ERMP1: variants seen among roughly 807,000 people sequenced by gnomAD.
The protein encoded by ERMP1 is endoplasmic reticulum metallopeptidase 1, also known as Felix-ina.
ERMP1 carries 86 observed loss-of-function variants against 92.0 expected under a neutral mutation model. The observed-to-expected ratio is 0.93, with a 90% CI of 0.79 to 1.12. The LOEUF (loss-of-function observed/expected upper bound fraction) is 1.12. Ranked by LOEUF, ERMP1 falls within the 50% of genes most tolerant of loss-of-function variation. ERMP1 has a pLI of 0.00. For synonymous variants in ERMP1, 530 were observed against 412.8 expected (o/e 1.28, Z -3.44); for missense variants, 1,342 against 1,116.3 (o/e 1.20, Z -2.88).
intron 6 of ERMP1, among the ~76,000 whole-genome samples, chr9:5,854,347 G>C (rs146083146): frequency 4.3e-4 from 65 of 152,188 alleles, no homozygotes; most frequent in African/African-American, 1.4e-3. Context: ...TTCAGTCTAG[G>C]CATAGCTAGT....
chr9:5,794,305 C>G (rs1828324140), intron 13 of ERMP1, among the ~76,000 whole-genome samples: 1 of 151,956 alleles, frequency 6.6e-6, no homozygotes, highest in South Asian at 2.1e-4. Flanking sequence ...TAGAAGGAAA[C>G]TTATAGCAAT....
At chr9:5,866,909 G>A (rs922919395) in intron 5 of ERMP1, among the ~76,000 whole-genome samples, 1 of 152,154 alleles carries the variant, frequency 6.6e-6, no homozygotes, top group African/African-American at 2.4e-5. Context: ...CTGGTAATAA[G>A]AATGGGTTGT....
chr9:5,858,422 A>C (rs1830411174), intron 6 of ERMP1, among the ~76,000 whole-genome samples: 1 of 152,232 alleles, frequency 6.6e-6, no homozygotes, highest in African/African-American at 2.4e-5. Context: ...CAAGAGCCAG[A>C]CAAAATATTC....
intron 13 of ERMP1, 131 bp from the exon 14 acceptor site, chr9:5,787,724 G>T: frequency 1.2e-6 from 1 of 847,206 alleles, no homozygotes; most frequent in Non-Finnish European, 1.8e-6. Flanking sequence ...AAACCTAATG[G>T]AGGTTTACCA....
intron 6 of ERMP1, among the ~76,000 whole-genome samples, chr9:5,845,083 G>C (rs549384794): frequency 8.6e-5 from 13 of 151,084 alleles, no homozygotes; most frequent in Non-Finnish European, 1.6e-4. Context: ...ACTTGCATTT[G>C]TCGAGCCTAA....
intron 13 of ERMP1, among the ~76,000 whole-genome samples, chr9:5,788,881 A>G (rs1828052788): frequency 6.6e-6 from 1 of 152,186 alleles, no homozygotes; most frequent in Non-Finnish European, 1.5e-5. Context: ...AAAAGGCAAA[A>G]TTACCTTAGA....
intron 7 of ERMP1, 90 bp downstream of exon 7, chr9:5,811,021 T>A: frequency 1.2e-6 from 1 of 806,930 alleles, no homozygotes. Context: ...ATTTTTAGCT[T>A]TCTGGGAAGA....
intron 12 of ERMP1, among the ~76,000 whole-genome samples, chr9:5,798,186 C>T (rs1281872651): frequency 6.6e-6 from 1 of 152,140 alleles, no homozygotes; most frequent in African/African-American, 2.4e-5. Context: ...TCCTTCACTG[C>T]CAAGCTATAA....
In ERMP1 at chr9:5,812,766, G is replaced by C. The variant is rs73639516; in HGVS notation, c.1021+123C>G. 2,847 of 1,062,662 alleles carry C rather than the reference G, an allele frequency of 2.7e-3. 53 individuals are homozygous for C. The African/African-American group carries it at 0.036, about 14-fold the overall frequency. The allele number at this position is 1,062,662 out of a possible 1,614,324, so 65.8% of individuals were successfully genotyped here. A position where few individuals can be genotyped will look rare whatever the true frequency, so the allele number is the denominator to read the frequency against. ...ACAAACTCTGTTTTAGTGAGTCAAT[G>C]TATATTTCTCACATAAAGAATTTGA... On this transcript the variant is annotated intron_variant, in intron 5 of 14. Coordinates refer to ENST00000339450, the MANE Select transcript of ERMP1 (RefSeq NM_024896.3).
At chr9:5,806,268 T>C (rs1418298380) in intron 8 of ERMP1, among the ~76,000 whole-genome samples, 2 of 151,678 alleles carry the variant, frequency 1.3e-5, no homozygotes, top group Non-Finnish European at 3.0e-5. Context: ...TTTTCATGAG[T>C]TTTTTCTATC....
chr9:5,817,530 G>A (rs895747814), intron 4 of ERMP1, among the ~76,000 whole-genome samples: 15 of 152,168 alleles, frequency 9.9e-5, no homozygotes, highest in African/African-American at 1.9e-4. Context: ...CTACCTCCAC[G>A]CAAAACCTTT....
chr9:5,796,621 G>C (rs189830803), intron 13 of ERMP1, among the ~76,000 whole-genome samples: 28 of 152,242 alleles, frequency 1.8e-4, no homozygotes, highest in Non-Finnish European at 3.2e-4. Flanking sequence ...AAAGAAGTCA[G>C]TCGAAAAAGG....
chr9:5,842,176 C>A (rs10758708), intron 6 of ERMP1, among the ~76,000 whole-genome samples: 19,728 of 152,098 alleles, frequency 0.13, 1,332 homozygotes, highest in Middle Eastern at 0.15. Context: ...CTGGGGTGGC[C>A]AGCTTTTATT....
intron 6 of ERMP1, among the ~76,000 whole-genome samples, 171 bp downstream of exon 6, chr9:5,811,953 CT>C (rs1287258762): frequency 2.0e-5 from 3 of 152,198 alleles, no homozygotes; most frequent in Admixed American, 1.3e-4. Flanking sequence ...AATTGCTACA[CT>C]AGACTACAAG....
chr9:5,818,872 AAC>A (rs535017233), intron 4 of ERMP1, among the ~76,000 whole-genome samples: 102 of 152,332 alleles, frequency 6.7e-4, no homozygotes, highest in African/African-American at 2.3e-3. Context: ...CATTCTCACT[AAC>A]AGTGTATGAA....
At position 5,830,916 on chromosome 9, in the gene ERMP1, T is replaced by A; in HGVS notation, c.451A>T (p.Ser151Cys). Reference protein sequence around the residue: ...LEQIKLIEVQSNSLHKISVDV... With the variant: ...LEQIKLIEVQCNSLHKISVDV... ...ACTGAAATCTTATGAAGGCTGTTGCTTTGCACTTCAATCAGTTTAATCTGT... is the reference window on the plus strand; with the variant it reads ...ACTGAAATCTTATGAAGGCTGTTGCATTGCACTTCAATCAGTTTAATCTGT... The change falls in exon 2 of 15, where the codon AGC becomes TGC. Residue 151 changes from serine (S) to cysteine (C), a missense_variant. Transcript: ENST00000339450. The A allele has an allele frequency of 6.2e-7, 1 of 1,614,120 alleles. No individual in the cohort carries two copies. Among genetic ancestry groups the A allele is most frequent in the South Asian group, 1.1e-5 (1 of 91,088 alleles).
At chr9:5,860,880 C>G (rs1830465569) in intron 5 of ERMP1, among the ~76,000 whole-genome samples, 1 of 152,086 alleles carries the variant, frequency 6.6e-6, no homozygotes. Flanking sequence ...GGCTGGTTCC[C>G]TATAAAAGGG....
At chr9:5,824,132 G>C in intron 3 of ERMP1, 131 bp from the exon 4 acceptor site, 2 of 680,786 alleles carry the variant, frequency 2.9e-6, no homozygotes, top group Non-Finnish European at 2.5e-6. Flanking sequence ...CTCTTCAAAG[G>C]CAGTATCCAA....
At chr9:5,795,059 G>C (rs1001031140) in intron 13 of ERMP1, among the ~76,000 whole-genome samples, 30 of 152,074 alleles carry the variant, frequency 2.0e-4, no homozygotes, top group African/African-American at 6.5e-4. Flanking sequence ...TAACCAAGTA[G>C]GATTTACCTC....
Sources: allele counts gnomAD v4.1 joint callset (sites outside exome capture counted in the v4.1 genomes callset), GRCh38; gene constraint gnomAD v4.1.1; transcripts MANE v1.5; gene names NCBI Gene and HGNC (gene_info 2026-07-23, HGNC 2026-07-21).